The following ROBO2 variants were observed in gnomAD, a reference collection of about 807,000 sequenced individuals.
The protein encoded by ROBO2 is roundabout homolog 2.
A neutral mutation model predicts 160.8 loss-of-function variants in ROBO2; 53 were observed. That is an observed-to-expected ratio of 0.33 (90% CI 0.26 to 0.41). ROBO2 has a LOEUF of 0.41. Ranked by LOEUF, ROBO2 falls within the 10% of genes least tolerant of loss-of-function variation. The pLI is 1.00. For synonymous variants in ROBO2, 664 were observed against 611.7 expected, an observed-to-expected ratio of 1.09 and a Z score of -1.26; for missense variants, 1,577 against 1,722.4, an observed-to-expected ratio of 0.92 and a Z score of 1.49.
In ROBO2 at chr3:76,453,319, T is replaced by G. The variant is rs1005169436; in HGVS notation, c.109+515717T>G. 2.0e-4 allele frequency among the ~76,000 whole-genome samples: 31 copies of G among 152,236 alleles called. 1 individual carries two copies. Among genetic ancestry groups the G allele is most frequent in the Admixed American group, 6.5e-4 (10 of 15,282 alleles). On this transcript the variant is annotated intron_variant, in intron 2 of 26. Coordinates refer to the ROBO2 transcript ENST00000487694. ...TTTTTATAGTTTTTAGCTCTAACGT[T>G]TAAGTCTTTAATCCATCTTGAATTA...
chr3:76,629,270 A>G (rs944511068), intron 2 of ROBO2, among the ~76,000 whole-genome samples: 6 of 152,178 alleles, frequency 3.9e-5, no homozygotes, highest in African/African-American at 1.2e-4. Context: ...AATTTTCTTT[A>G]TTGTGTACAA....
chr3:76,885,712 G>A (rs1312107842), intron 2 of ROBO2, among the ~76,000 whole-genome samples: 2 of 152,124 alleles, frequency 1.3e-5, no homozygotes, highest in Non-Finnish European at 2.9e-5. Context: ...AACTATATCA[G>A]GTACCTCTAG....
At chr3:77,177,411 C>A (rs1206474963) in intron 2 of ROBO2, among the ~76,000 whole-genome samples, 1 of 151,900 alleles carries the variant, frequency 6.6e-6, no homozygotes. Context: ...ATATCAACAT[C>A]CATGGAGGCT....
chr3:76,478,427 A>G (rs1453663883), intron 2 of ROBO2, among the ~76,000 whole-genome samples: 1 of 151,692 alleles, frequency 6.6e-6, no homozygotes, highest in Non-Finnish European at 1.5e-5. Flanking sequence ...CCAGTCTATC[A>G]TTGTTGGACA....
At chr3:76,791,184 A>G (rs1372252143) in intron 2 of ROBO2, among the ~76,000 whole-genome samples, 1 of 151,776 alleles carries the variant, frequency 6.6e-6, no homozygotes, top group Non-Finnish European at 1.5e-5. Flanking sequence ...GTCAATTATA[A>G]GAAGGAATAA....
rs199521222 is a variant in ROBO2, at chr3:76,883,891, C to CTATG, written c.110-214122_110-214119dup. Among the ~76,000 whole-genome samples the CTATG allele has an allele frequency of 5.1e-3, 780 of 152,246 alleles. 8 individuals are homozygous for CTATG. Among genetic ancestry groups the CTATG allele is most frequent in the African/African-American group, 0.018 (748 of 41,550 alleles). On this transcript the variant is annotated intron_variant, in intron 2 of 26. Transcript: ENST00000487694. Reference sequence around the variant, plus strand: ...TATTCAAGTTGAAGCTATATTCATGCTATGGTGCAATGCAATGAACAGAAT... The same window carrying CTATG: ...TATTCAAGTTGAAGCTATATTCATGCTATGTATGGTGCAATGCAATGAACAGAAT...
At chr3:77,374,169 C>A (rs1199736151) in intron 2 of ROBO2, among the ~76,000 whole-genome samples, 2 of 40,092 alleles carry the variant, frequency 5.0e-5, no homozygotes, top group African/African-American at 3.0e-4. Context: ...GAGACTCCAT[C>A]AAAAAAAAAA....
At chr3:76,369,641 T>TC (rs2076003334) in intron 2 of ROBO2, among the ~76,000 whole-genome samples, 1 of 151,886 alleles carries the variant, frequency 6.6e-6, no homozygotes, top group Non-Finnish European at 1.5e-5. Flanking sequence ...ACATCAGCGT[T>TC]CATTAGGTCA....
intron 2 of ROBO2, among the ~76,000 whole-genome samples, chr3:76,235,111 G>A (rs1276075020): frequency 1.3e-5 from 2 of 152,144 alleles, no homozygotes; most frequent in Admixed American, 6.5e-5. Context: ...TCTCTAAAAA[G>A]TTATGATTGA....
At chr3:76,464,657 G>C (rs1047271016) in intron 2 of ROBO2, among the ~76,000 whole-genome samples, 1 of 151,760 alleles carries the variant, frequency 6.6e-6, no homozygotes, top group Non-Finnish European at 1.5e-5. Flanking sequence ...TTTCTCTACT[G>C]GAAACTAAAT....
Position 76,925,673 on chromosome 3 carries a change from A to T in ROBO2, c.110-172341A>T, listed in dbSNP as rs939839847. On this transcript the variant is annotated intron_variant, in intron 2 of 26. Coordinates refer to the ROBO2 transcript ENST00000487694. ...GCATGATGCATAGAAGGGAACACAG[A>T]TGGGGTCAGGGGAGCTGAGAGTGCC... Among the ~76,000 whole-genome samples, 6 of 152,180 alleles carry T rather than the reference A, an allele frequency of 3.9e-5. No individual in the cohort carries two copies. In the East Asian group the frequency reaches 9.6e-4, roughly 24 times the overall value.
At chr3:76,229,943 C>T (rs773785409) in intron 2 of ROBO2, among the ~76,000 whole-genome samples, 3 of 152,140 alleles carry the variant, frequency 2.0e-5, no homozygotes, top group Non-Finnish European at 4.4e-5. Context: ...TAGAAATACT[C>T]ATCTGTGCTG....
chr3:76,920,817 C>G (rs1159937574), intron 2 of ROBO2, among the ~76,000 whole-genome samples: 1 of 152,138 alleles, frequency 6.6e-6, no homozygotes, highest in Non-Finnish European at 1.5e-5. Context: ...CAAGACAATA[C>G]TTCAGCTTTG....
intron 2 of ROBO2, among the ~76,000 whole-genome samples, chr3:76,655,438 C>CAATATATATATATATATA (rs1192030281): frequency 6.7e-5 from 1 of 15,010 alleles, no homozygotes; most frequent in African/African-American, 3.2e-4. Context: ...GGATTTTTTT[C>CAATATATATATATATATA]CATATATATA....
intron 2 of ROBO2, among the ~76,000 whole-genome samples, chr3:76,002,652 C>T (rs2065920144): frequency 6.6e-6 from 1 of 152,088 alleles, no homozygotes; most frequent in South Asian, 2.1e-4. Context: ...ACTGTGAGTT[C>T]GTTAAACCTC....
chr3:76,461,215 T>C (rs1417745914), intron 2 of ROBO2, among the ~76,000 whole-genome samples: 1 of 152,042 alleles, frequency 6.6e-6, no homozygotes, highest in African/African-American at 2.4e-5. Flanking sequence ...GGAGCAAGGC[T>C]GGGGTTGTAG....
chr3:76,524,009 G>A (rs1054567310), intron 2 of ROBO2, among the ~76,000 whole-genome samples: 1 of 149,526 alleles, frequency 6.7e-6, no homozygotes. Flanking sequence ...TGTGTGTGTG[G>A]TGTCTTCACA....
chr3:77,239,796 G>A (rs2088695392), intron 2 of ROBO2, among the ~76,000 whole-genome samples: 1 of 152,160 alleles, frequency 6.6e-6, no homozygotes, highest in Non-Finnish European at 1.5e-5. Context: ...GCTGACTGGT[G>A]TGTTTACAAA....
intron 1 of ROBO2, among the ~76,000 whole-genome samples, chr3:77,043,653 T>G (rs2064323291): frequency 6.6e-6 from 1 of 152,164 alleles, no homozygotes; most frequent in Admixed American, 6.5e-5. Context: ...AAGGTTAGCC[T>G]TTGTTTTCCA....
Sources: allele counts gnomAD v4.1 joint callset (sites outside exome capture counted in the v4.1 genomes callset), GRCh38; gene constraint gnomAD v4.1.1; transcripts MANE v1.5; gene names NCBI Gene and HGNC (gene_info 2026-07-23, HGNC 2026-07-21).